Variants in FHOD3 observed in about 807,000 individuals in gnomAD.
FHOD3 encodes formin homology 2 domain containing 3.
In FHOD3, 90 loss-of-function variants were observed where a neutral mutation model predicts 173.0. That is an observed-to-expected ratio of 0.52 (90% confidence interval 0.44 to 0.62). The LOEUF (loss-of-function observed/expected upper bound fraction) is 0.62. FHOD3 is among the 20% of genes least tolerant of loss of function. The pLI is 0.00. For synonymous variants in FHOD3, 828 were observed against 823.0 expected (o/e 1.01, Z -0.10); for missense variants, 1,945 against 2,034.7 (o/e 0.96, Z 0.85).
intron 3 of FHOD3, among the ~76,000 whole-genome samples, chr18:36,497,659 A>G (rs1340539155): frequency 6.6e-6 from 1 of 152,218 alleles, no homozygotes; most frequent in African/African-American, 2.4e-5. Flanking sequence ...AGCCACAACA[A>G]TCCCAAATGT....
chr18:36,681,620 G>T, intron 15 of FHOD3, 50 bp downstream of exon 15: 1 of 1,248,396 alleles, frequency 8.0e-7, no homozygotes, highest in Non-Finnish European at 1.1e-6. Flanking sequence ...AAAATTAAAG[G>T]CATGTGACTT....
chr18:36,464,791 A>C (rs980672181), intron 3 of FHOD3, among the ~76,000 whole-genome samples: 15 of 151,994 alleles, frequency 9.9e-5, no homozygotes, highest in African/African-American at 3.6e-4. Flanking sequence ...AGAGGAAATA[A>C]GAACAAAGAC....
At chr18:36,637,257 A>G (rs1386953231) in intron 10 of FHOD3, among the ~76,000 whole-genome samples, 2 of 152,144 alleles carry the variant, frequency 1.3e-5, no homozygotes, top group Non-Finnish European at 2.9e-5. Context: ...AAGGAACAAA[A>G]TCATATTCAT....
chr18:36,737,542 C>G (rs2041699083), intron 20 of FHOD3, among the ~76,000 whole-genome samples: 1 of 152,144 alleles, frequency 6.6e-6, no homozygotes, highest in Non-Finnish European at 1.5e-5. Flanking sequence ...TCCAGATGCT[C>G]AAACTCCACC....
chr18:36,740,883 T>C (rs767394033), intron 21 of FHOD3, 45 bp downstream of exon 21: 43 of 1,564,848 alleles, frequency 2.7e-5, no homozygotes, highest in Non-Finnish European at 3.7e-5. Flanking sequence ...ATCCACAGTG[T>C]TGAGAAAGGC....
chr18:36,517,348 G>A (rs1006018780), intron 5 of FHOD3, among the ~76,000 whole-genome samples: 2 of 152,182 alleles, frequency 1.3e-5, no homozygotes, highest in Non-Finnish European at 2.9e-5. Flanking sequence ...CATGCACCAT[G>A]TCAGGCCCTG....
chr18:36,492,367 C>T (rs1237543350), intron 3 of FHOD3, among the ~76,000 whole-genome samples: 1 of 152,082 alleles, frequency 6.6e-6, no homozygotes, highest in Non-Finnish European at 1.5e-5. Context: ...GGTTTGGGGA[C>T]ATGTCTGTCT....
At chr18:36,557,879 G>A (rs542516290) in intron 5 of FHOD3, among the ~76,000 whole-genome samples, 8 of 152,260 alleles carry the variant, frequency 5.3e-5, no homozygotes, top group African/African-American at 1.7e-4. Flanking sequence ...ATCCTTTAAG[G>A]TATTATTTTT....
At chr18:36,741,597 C>T (rs1042556887) in intron 21 of FHOD3, among the ~76,000 whole-genome samples, 6 of 152,060 alleles carry the variant, frequency 3.9e-5, no homozygotes, top group African/African-American at 1.4e-4. Flanking sequence ...TAGTGAGACC[C>T]TGTCTCTACA....
intron 20 of FHOD3, among the ~76,000 whole-genome samples, chr18:36,734,665 A>G (rs2041545677): frequency 6.6e-6 from 1 of 152,150 alleles, no homozygotes. Context: ...CAATACCCAG[A>G]GCTTGTTCTC....
At chr18:36,552,820 T>C (rs2057716951) in intron 5 of FHOD3, among the ~76,000 whole-genome samples, 2 of 152,134 alleles carry the variant, frequency 1.3e-5, no homozygotes, top group Non-Finnish European at 2.9e-5. Context: ...TTCTTTCTCC[T>C]GCCTGATTGC....
At chr18:36,550,828 C>G (rs2057622069) in intron 5 of FHOD3, among the ~76,000 whole-genome samples, 1 of 152,046 alleles carries the variant, frequency 6.6e-6, no homozygotes, top group African/African-American at 2.4e-5. Context: ...TCTGTAGATT[C>G]CATAGGATCT....
At chr18:36,338,296 C>T (rs1466856909) in intron 1 of FHOD3, among the ~76,000 whole-genome samples, 2 of 152,144 alleles carry the variant, frequency 1.3e-5, no homozygotes, top group African/African-American at 2.4e-5. Flanking sequence ...GTAGCCTGTG[C>T]TTGGAATGGA....
In FHOD3 at chr18:36,570,285, G is replaced by A. The variant is rs564840734; in HGVS notation, c.512-6166G>A. 2.6e-5 allele frequency among the ~76,000 whole-genome samples: 4 copies of A among 152,098 alleles called. No individual in the cohort carries two copies. The East Asian group carries it at 7.7e-4, about 29-fold the overall frequency. On this transcript the variant is annotated intron_variant, in intron 5 of 28. Coordinates refer to ENST00000590592, the MANE Select transcript of FHOD3 (RefSeq NM_001281740.3). ...ATAAAATTGATACATTAGATGAAAT[G>A]GATCAATTCCTTAAATGGATCATTT... is the stretch of plus-strand genomic sequence containing the variant.
intron 3 of FHOD3, among the ~76,000 whole-genome samples, chr18:36,422,325 T>G (rs2050028780): frequency 6.6e-6 from 1 of 152,230 alleles, no homozygotes; most frequent in Non-Finnish European, 1.5e-5. Context: ...TTCCTATTTC[T>G]TAACAGCTGA....
intron 14 of FHOD3, among the ~76,000 whole-genome samples, chr18:36,660,758 C>T (rs184755303): frequency 1.6e-3 from 240 of 152,324 alleles, no homozygotes; most frequent in Non-Finnish European, 2.8e-3. Flanking sequence ...GAGGTGTGGA[C>T]TCAGCAGTCC....
At chr18:36,403,014 G>T (rs182065843) in intron 3 of FHOD3, among the ~76,000 whole-genome samples, 3 of 152,342 alleles carry the variant, frequency 2.0e-5, no homozygotes, top group Non-Finnish European at 4.4e-5. Flanking sequence ...TCATGACAAT[G>T]AAGTGAAAAT....
At chr18:36,454,407 A>G (rs2052046200) in intron 3 of FHOD3, among the ~76,000 whole-genome samples, 1 of 152,126 alleles carries the variant, frequency 6.6e-6, no homozygotes, top group Non-Finnish European at 1.5e-5. Context: ...ACAGGCATTC[A>G]TCACCCTTCC....
At chr18:36,508,170 T>G (rs559754043) in intron 4 of FHOD3, among the ~76,000 whole-genome samples, 1 of 152,328 alleles carries the variant, frequency 6.6e-6, no homozygotes, top group Non-Finnish European at 1.5e-5. Flanking sequence ...ATTCTAAGCA[T>G]TCTTAAAAAT....
Sources: allele counts gnomAD v4.1 joint callset (sites outside exome capture counted in the v4.1 genomes callset), GRCh38; gene constraint gnomAD v4.1.1; transcripts MANE v1.5; gene names NCBI Gene and HGNC (gene_info 2026-07-23, HGNC 2026-07-21).